The following PCDHGA1 variants were observed in gnomAD, a reference collection of about 807,000 sequenced individuals.
PCDHGA1 encodes protocadherin gamma subfamily A, 1, also known as protocadherin gamma-A1.
Under a neutral mutation model 58.0 loss-of-function variants are expected in PCDHGA1, and 32 were observed. That is an observed-to-expected ratio of 0.55 (90% CI 0.42 to 0.74). PCDHGA1 has a LOEUF of 0.74. Among genes scored for constraint, PCDHGA1 ranks in the 30% least tolerant of loss-of-function variants. PCDHGA1 has a pLI of 0.00. For synonymous variants in PCDHGA1, 498 were observed against 501.1 expected (o/e 0.99, Z 0.08); for missense variants, 1,205 against 1,182.3 (o/e 1.02, Z -0.28).
chr5:141,438,735 C>T (rs2098057719), intron 1 of PCDHGA1, among the ~76,000 whole-genome samples: 1 of 149,150 alleles, frequency 6.7e-6, no homozygotes, highest in South Asian at 2.1e-4. Context: ...GATCTCAGCT[C>T]ACTGCAACCT....
chr5:141,332,560 G>C lies in PCDHGA1; in HGVS notation c.1876G>C (p.Val626Leu), dbSNP rs750288980. 5.6e-6 allele frequency: 9 copies of C among 1,611,622 alleles called. No homozygotes were observed. Among genetic ancestry groups the C allele is most frequent in the Non-Finnish European group, 7.6e-6 (9 of 1,179,582 alleles). ...CTCGGTGGGTCTGCACACGGGCGAG[G>C]TGCGCACGGCGCGAGCCCTGCTGGA... is the stretch of plus-strand genomic sequence containing the variant. ...LFSVGLHTGE[V>L]RTARALLDRD... The change falls in exon 1 of 4, where the codon GTG becomes CTG. Residue 626 changes from valine (V) to leucine (L), a missense_variant. Val to Leu is a conservative substitution (Grantham distance 32, BLOSUM62 1). Coordinates refer to ENST00000517417, the MANE Select transcript of PCDHGA1 (RefSeq NM_018912.3). This position sits in a 1 kb window ranked among gnomAD's most constrained non-coding sequence, Gnocchi z 4.6.
At chr5:141,342,441 T>G (rs1272632131) in intron 1 of PCDHGA1, 1 of 152,194 alleles carries the variant, frequency 6.6e-6, no homozygotes, top group Non-Finnish European at 1.5e-5. Flanking sequence ...CTGGCATCAT[T>G]TTTTATTTTT....
chr5:141,374,215 C>T (rs770866531), intron 1 of PCDHGA1: 4 of 1,613,958 alleles, frequency 2.5e-6, no homozygotes, highest in South Asian at 1.1e-5. Flanking sequence ...AAGGCTCCTT[C>T]GTAGGCAACA....
rs1756315221 is a variant in PCDHGA1 at position 141,330,583 on chromosome 5, T to G, written c.-102T>G. On this transcript the variant is annotated 5_prime_UTR_variant, in exon 1 of 4. Transcript: ENST00000517417. ...CCTAAATCCTACTTCTGGATGACTC[T>G]CCAGTCAGAATTCTCCTGAAAATTG... 2 of 1,271,570 alleles carry G rather than the reference T, an allele frequency of 1.6e-6. No individual in the cohort carries two copies. Among genetic ancestry groups the G allele is most frequent in the Non-Finnish European group, 2.2e-6 (2 of 920,680 alleles). The allele number at this position is 1,271,570 out of a possible 1,614,324, so 78.8% of individuals were successfully genotyped here.
chr5:141,348,608 T>A (rs1041872145), intron 1 of PCDHGA1, among the ~76,000 whole-genome samples: 1 of 152,150 alleles, frequency 6.6e-6, no homozygotes, highest in Non-Finnish European at 1.5e-5. Context: ...ATGGAACCCA[T>A]ACAATTCCAC....
At position 141,375,636 on chromosome 5, in the gene PCDHGA1, G is replaced by C. The variant is rs1448632834; in HGVS notation, c.2421+42531G>C. On this transcript the variant is annotated intron_variant, in intron 1 of 3. Transcript: ENST00000517417. ...GACACTGGGATTCTGTACGCCCTGC[G>C]CTCCTTCGACTATGAGCAGTTGAGA... The C allele has an allele frequency of 6.2e-6, 10 of 1,614,064 alleles. No individual in the cohort carries two copies. Among genetic ancestry groups the C allele is most frequent in the Non-Finnish European group, 8.5e-6 (10 of 1,180,044 alleles).
intron 1 of PCDHGA1, among the ~76,000 whole-genome samples, chr5:141,456,842 A>G (rs1374546355): frequency 6.6e-6 from 1 of 152,150 alleles, no homozygotes; most frequent in African/African-American, 2.4e-5. Flanking sequence ...GGGCGCCTGT[A>G]ATCCCAGCTA....
chr5:141,478,145 T>C (rs1252008984), intron 1 of PCDHGA1: 1 of 1,614,026 alleles, frequency 6.2e-7, no homozygotes. Context: ...CCGAGCCGAG[T>C]TCCCCTCTGG....
chr5:141,433,234 C>T (rs773942024), intron 1 of PCDHGA1: 3 of 1,512,746 alleles, frequency 2.0e-6, no homozygotes, highest in Middle Eastern at 1.8e-4. Flanking sequence ...TGCTCTGTCT[C>T]CCAAGCTGGA....
At chr5:141,428,727 A>G (rs1348450181) in intron 1 of PCDHGA1, 1 of 160,588 alleles carries the variant, frequency 6.2e-6, no homozygotes, top group Non-Finnish European at 1.4e-5. Context: ...AAAATCTTAA[A>G]CATATTATAT....
chr5:141,339,601 C>T (rs753439880), intron 1 of PCDHGA1: 10 of 1,614,100 alleles, frequency 6.2e-6, no homozygotes, highest in African/African-American at 1.3e-5. Context: ...TTCACCACCT[C>T]GTTCTCGTGG....
In PCDHGA1 at chr5:141,487,694, AC is replaced by A. The variant is rs1296386169; in HGVS notation, c.2422-7112del. On this transcript the variant is annotated intron_variant, in intron 1 of 3. Coordinates refer to ENST00000517417, the MANE Select transcript of PCDHGA1 (RefSeq NM_018912.3). The surrounding 1 kb of genome is among the most constrained non-coding windows in gnomAD (Gnocchi z 5.0). ...ATGGCTAGGCCATGTCCTAGAGAGT[AC>A]TGGCCTCTCAGTAAGTGCCCATAGT... is the stretch of plus-strand genomic sequence containing the variant. The A allele has an allele frequency of 6.2e-7, 1 of 1,602,048 alleles. No individual in the cohort carries two copies. The highest frequency in any genetic ancestry group is 2.2e-5 in the East Asian group (1 of 44,642).
chr5:141,394,252 A>G, intron 1 of PCDHGA1: 1 of 1,613,902 alleles, frequency 6.2e-7, no homozygotes, highest in Non-Finnish European at 8.5e-7. Flanking sequence ...CACGACCCCG[A>G]CAGCCAGGAG....
intron 1 of PCDHGA1, chr5:141,370,500 G>T (rs781752977): frequency 6.2e-7 from 1 of 1,613,922 alleles, no homozygotes; most frequent in Admixed American, 1.7e-5. Flanking sequence ...GATCCGCTAC[G>T]CTATTCCCGA....
At chr5:141,370,842 G>A in intron 1 of PCDHGA1, 1 of 1,614,058 alleles carries the variant, frequency 6.2e-7, no homozygotes, top group Non-Finnish European at 8.5e-7. Context: ...TCTCACTGGA[G>A]CCACATTTGC....
chr5:141,409,369 C>T, intron 1 of PCDHGA1: 1 of 1,613,986 alleles, frequency 6.2e-7, no homozygotes, highest in Non-Finnish European at 8.5e-7. Flanking sequence ...TAGAAACAGA[C>T]ATTCCATTCA....
At chr5:141,345,811 C>G (rs1757645365) in intron 1 of PCDHGA1, 1 of 1,613,738 alleles carries the variant, frequency 6.2e-7, no homozygotes, top group Admixed American at 1.7e-5. Flanking sequence ...AAGGTGGTGG[C>G]GGTGGACAGA....
At chr5:141,413,102 G>A in intron 1 of PCDHGA1, 1 of 1,480,778 alleles carries the variant, frequency 6.8e-7, no homozygotes, top group Non-Finnish European at 9.1e-7. Context: ...TGAAGCCACA[G>A]AAAGACAAAG....
At position 141,343,906 on chromosome 5, in the gene PCDHGA1, C is replaced by G. The variant is rs1279662947; in HGVS notation, c.2421+10801C>G. 5.7e-6 allele frequency: 5 copies of G among 870,304 alleles called. No homozygotes were observed. In the African/African-American group the frequency reaches 6.8e-5, roughly 12 times the overall value. The allele number at this position is 870,304 out of a possible 1,614,324, so 53.9% of individuals were successfully genotyped here. On this transcript the variant is annotated intron_variant, in intron 1 of 3. Coordinates refer to ENST00000517417, the MANE Select transcript of PCDHGA1 (RefSeq NM_018912.3). Reference sequence around the variant, plus strand: ...TCCGGGGCGGCTGCCAACCTCACCTCTTAGTCAACCAGCTGTTTGACCTGT... The same window carrying G: ...TCCGGGGCGGCTGCCAACCTCACCTGTTAGTCAACCAGCTGTTTGACCTGT...
Sources: allele counts gnomAD v4.1 joint callset (sites outside exome capture counted in the v4.1 genomes callset), GRCh38; gene constraint gnomAD v4.1.1; non-coding constraint Gnocchi (gnomAD v3.1); transcripts MANE v1.5; gene names NCBI Gene and HGNC (gene_info 2026-07-23, HGNC 2026-07-21).